The following DUSP10 variants were observed in gnomAD, a reference collection of about 807,000 sequenced individuals.
DUSP10 encodes dual specificity protein phosphatase 10.
A neutral mutation model predicts 30.8 loss-of-function variants in DUSP10; 14 were observed. The ratio of observed to expected loss-of-function variants is 0.46; its 90% confidence interval spans 0.30 to 0.71. The LOEUF (loss-of-function observed/expected upper bound fraction) is 0.71, where lower values mean the gene tolerates loss of function less well. Ranked by LOEUF, DUSP10 falls within the 30% of genes least tolerant of loss-of-function variation. The probability of loss-of-function intolerance (pLI) is 0.08; values close to 1 mark genes in which losing one functional copy is unlikely to be tolerated. For missense variants in DUSP10, 550 were observed against 619.4 expected, an observed-to-expected ratio of 0.89 and a Z score of 1.19; for synonymous variants, 254 against 250.4, an observed-to-expected ratio of 1.01 and a Z score of -0.14.
intron 2 of DUSP10, among the ~76,000 whole-genome samples, chr1:221,710,958 G>A (rs1225861935): frequency 6.6e-6 from 1 of 152,144 alleles, no homozygotes; most frequent in East Asian, 1.9e-4. Flanking sequence ...GGGTGGGGGG[G>A]CAGCAAACAT....
intron 2 of DUSP10, among the ~76,000 whole-genome samples, chr1:221,723,382 C>T (rs1260001232): frequency 6.6e-6 from 1 of 152,258 alleles, no homozygotes; most frequent in East Asian, 1.9e-4. Context: ...TCTCCTAATA[C>T]ATACATCCAA....
chr1:221,718,301 C>T (rs1661171631), intron 2 of DUSP10, among the ~76,000 whole-genome samples: 1 of 152,332 alleles, frequency 6.6e-6, no homozygotes, highest in South Asian at 2.1e-4. Context: ...AGCACTGGCA[C>T]ATGACCTCCA....
chr1:221,705,944 T>G (rs572420536), intron 3 of DUSP10, 151 bp downstream of exon 3: 1 of 1,001,162 alleles, frequency 1.0e-6, no homozygotes, highest in South Asian at 1.6e-5. Flanking sequence ...CTTAGGAGAA[T>G]GCTTAGGCTG....
At chr1:221,735,154 T>C (rs1197238760) in intron 2 of DUSP10, among the ~76,000 whole-genome samples, 1 of 152,222 alleles carries the variant, frequency 6.6e-6, no homozygotes, top group Non-Finnish European at 1.5e-5. Context: ...TTTTAAACCA[T>C]TTCCCTCTTC....
At position 221,702,092 on chromosome 1, in the gene DUSP10, G is replaced by A. The variant is rs919801913; in HGVS notation, c.*320C>T. ...TATCTTCGGTCTATGAACCTGCACA[G>A]ACTATTTAGTCATAAACTCTACAAA... On this transcript the variant is annotated 3_prime_UTR_variant, in exon 4 of 4. Coordinates refer to ENST00000366899, the MANE Select transcript of DUSP10 (RefSeq NM_007207.6). This position sits in a 1 kb window ranked among gnomAD's most constrained non-coding sequence, Gnocchi z 4.5. 1 of 288,596 alleles carries A rather than the reference G, an allele frequency of 3.5e-6. No homozygotes were observed. The allele number at this position is 288,596 out of a possible 1,614,324, so 17.9% of individuals were successfully genotyped here. A position where few individuals can be genotyped will look rare whatever the true frequency, so the allele number is the denominator to read the frequency against.
chr1:221,741,607 C>T (rs1661956372), intron 1 of DUSP10, among the ~76,000 whole-genome samples: 1 of 152,152 alleles, frequency 6.6e-6, no homozygotes, highest in Admixed American at 6.5e-5. Flanking sequence ...GCTTCTTCCC[C>T]ATTCCTGGAG....
At position 221,739,219 on chromosome 1, in the gene DUSP10, C is replaced by T. The variant is rs767845837; in HGVS notation, c.526G>A (p.Asp176Asn). The change falls in exon 2 of 4, where the codon GAC becomes AAC. Residue 176 changes from aspartate to asparagine, a missense_variant. Coordinates refer to ENST00000366899, the MANE Select transcript of DUSP10 (RefSeq NM_007207.6). ...HLPSQGPVII[D>N]CRPFMEYNKS... ...TTGTACTCCATGAAGGGCCTGCAGT[C>T]AATGATGACAGGGCCCTGACTCGGC... The T allele has an allele frequency of 6.2e-7, 1 of 1,614,182 alleles. No homozygotes were observed. The highest frequency in any genetic ancestry group is 8.5e-7 in the Non-Finnish European group (1 of 1,180,042).
chr1:221,709,771 G>T (rs1365800155), intron 2 of DUSP10, among the ~76,000 whole-genome samples: 1 of 152,024 alleles, frequency 6.6e-6, no homozygotes, highest in African/African-American at 2.4e-5. Flanking sequence ...AATCTGGAGG[G>T]GAGGGGGAAG....
chr1:221,741,775 G>A (rs1253269587), intron 1 of DUSP10, among the ~76,000 whole-genome samples: 1 of 151,996 alleles, frequency 6.6e-6, no homozygotes, highest in Non-Finnish European at 1.5e-5. Flanking sequence ...AGGGTAGCAG[G>A]AGCCAACGGC....
At chr1:221,708,405 G>A (rs2102616943) in intron 2 of DUSP10, among the ~76,000 whole-genome samples, 1 of 152,342 alleles carries the variant, frequency 6.6e-6, no homozygotes. Flanking sequence ...GGAGCTGGCT[G>A]TGTAAAAGAG....
chr1:221,732,690 G>A (rs1321362093), intron 2 of DUSP10, among the ~76,000 whole-genome samples: 5 of 152,154 alleles, frequency 3.3e-5, no homozygotes, highest in African/African-American at 9.7e-5. Flanking sequence ...CCCCATTCCT[G>A]TAGTGGCATA....
At chr1:221,726,986 T>C (rs1348590343) in intron 2 of DUSP10, among the ~76,000 whole-genome samples, 1 of 152,182 alleles carries the variant, frequency 6.6e-6, no homozygotes, top group Admixed American at 6.5e-5. Flanking sequence ...AAAGCACTTC[T>C]ACATATGTTA....
chr1:221,722,829 C>T (rs911039847), intron 2 of DUSP10, among the ~76,000 whole-genome samples: 1 of 152,114 alleles, frequency 6.6e-6, no homozygotes, highest in African/African-American at 2.4e-5. Flanking sequence ...CTATTTTAAG[C>T]AGGGATGAAG....
intron 2 of DUSP10, among the ~76,000 whole-genome samples, chr1:221,717,466 G>GT (rs1661139824): frequency 6.6e-6 from 1 of 152,072 alleles, no homozygotes; most frequent in African/African-American, 2.4e-5. Flanking sequence ...AACAGAGAGA[G>GT]AGAGAGAGAG....
At chr1:221,715,479 AG>A (rs1661071489) in intron 2 of DUSP10, among the ~76,000 whole-genome samples, 1 of 152,168 alleles carries the variant, frequency 6.6e-6, no homozygotes, top group Non-Finnish European at 1.5e-5. Context: ...CCCTGAAGGG[AG>A]GTGCAGTTCT....
chr1:221,712,413 T>G (rs1660965865), intron 2 of DUSP10, among the ~76,000 whole-genome samples: 1 of 152,124 alleles, frequency 6.6e-6, no homozygotes, highest in Non-Finnish European at 1.5e-5. Context: ...TGACTATGAG[T>G]CAGAGAGAAG....
At chr1:221,720,970 T>C (rs980983591) in intron 2 of DUSP10, among the ~76,000 whole-genome samples, 1 of 152,192 alleles carries the variant, frequency 6.6e-6, no homozygotes, top group African/African-American at 2.4e-5. Flanking sequence ...TTCTTTCTCT[T>C]AGAGGAAATA....
intron 2 of DUSP10, among the ~76,000 whole-genome samples, chr1:221,736,492 AGAG>A (rs76423905): frequency 0.016 from 2,500 of 152,304 alleles, 57 homozygotes; most frequent in Middle Eastern, 0.024. Context: ...AATAAATCTG[AGAG>A]GAGAAGCCAG....
In DUSP10 at chr1:221,706,596, AGC is replaced by A; in HGVS notation, c.812-132_812-131del. On this transcript the variant is annotated intron_variant, in intron 2 of 3. Transcript: ENST00000366899. The surrounding 1 kb of genome is among the most constrained non-coding windows in gnomAD (Gnocchi z 4.6). ...AAATACATATATAAATATGTATTTA[AGC>A]AAAAAAAATAAAAATAAAAATAAAA... 2 of 603,594 alleles carry A rather than the reference AGC, an allele frequency of 3.3e-6. No homozygotes were observed. The highest frequency in any genetic ancestry group is 8.0e-5 in the South Asian group (1 of 12,516). The allele number at this position is 603,594 out of a possible 1,614,324, so 37.4% of individuals were successfully genotyped here.
Sources: gnomAD v4.1 joint callset for allele counts (sites outside exome capture counted in the v4.1 genomes callset) on GRCh38, gnomAD v4.1.1 for gene constraint, Gnocchi (gnomAD v3.1) non-coding constraint, MANE v1.5 for transcripts, NCBI Gene and HGNC (gene_info 2026-07-23, HGNC 2026-07-21) for gene names.